The following DLST variants were observed in gnomAD, a reference collection of about 807,000 sequenced individuals.
DLST encodes dihydrolipoamide S-succinyltransferase, also known as dihydrolipoyllysine-residue succinyltransferase component of 2-oxoglutarate dehydrogenase complex, mitochondrial.
In DLST, 17 loss-of-function variants were observed where a neutral mutation model predicts 53.1. That is an observed-to-expected ratio of 0.32 (90% CI 0.22 to 0.48). The LOEUF is 0.48. Among genes scored for constraint, DLST ranks in the 20% least tolerant of loss-of-function variants. The pLI, the probability that DLST is intolerant of heterozygous loss-of-function variation, is 0.99. For synonymous variants in DLST, 206 were observed against 204.8 expected (o/e 1.01, Z -0.05); for missense variants, 512 against 583.9 (o/e 0.88, Z 1.27).
In DLST at chr14:74,898,345, G is replaced by GT. The variant is rs763405076; in HGVS notation, c.771-21dup. ...AGTCAAAATGCAGGCTTTGTGGTCA[G>GT]TTTGTTTTGTAATATTTTCACAGTA... On this transcript the variant is annotated intron_variant, in intron 10 of 14. Coordinates refer to ENST00000334220, the MANE Select transcript of DLST (RefSeq NM_001933.5). The GT allele has an allele frequency of 5.0e-6, 8 of 1,606,528 alleles. No individual in the cohort carries two copies. In the African/African-American group the frequency reaches 1.1e-4, roughly 22 times the overall value.
intron 13 of DLST, among the ~76,000 whole-genome samples, chr14:74,900,712 T>G (rs144327885): frequency 1.3e-3 from 204 of 152,328 alleles, no homozygotes; most frequent in Middle Eastern, 3.4e-3. Context: ...CGATACAAGC[T>G]TTCTGGACTT....
intron 13 of DLST, among the ~76,000 whole-genome samples, chr14:74,900,600 T>G (rs142424108): frequency 2.4e-4 from 36 of 152,332 alleles, no homozygotes; most frequent in African/African-American, 8.7e-4. Context: ...CTTTGAAGTC[T>G]TCAACTGTAT....
At chr14:74,896,054 G>C (rs967726624) in intron 10 of DLST, among the ~76,000 whole-genome samples, 1 of 152,162 alleles carries the variant, frequency 6.6e-6, no homozygotes, top group African/African-American at 2.4e-5. Flanking sequence ...ACAAGGTCTC[G>C]CTGTGTTGCC....
At chr14:74,901,762 A>AAC (rs1431350733) in intron 14 of DLST, among the ~76,000 whole-genome samples, 1 of 152,184 alleles carries the variant, frequency 6.6e-6, no homozygotes, top group African/African-American at 2.4e-5. Flanking sequence ...TCCTGTGTGA[A>AAC]ACCACAGTCT....
chr14:74,901,196 A>G lies in DLST; in HGVS notation c.1190A>G (p.His397Arg). Residue 397 changes from histidine (H) to arginine (R), a missense_variant, in exon 14 of 15, where the codon CAT (histidine) becomes CGT (arginine). This residue lies in a region of DLST where 186 missense variants were observed against 260.4 expected (regional missense o/e 0.71). Coordinates refer to ENST00000334220, the MANE Select transcript of DLST (RefSeq NM_001933.5). ...CCTCAGTCTGCCATCCTGGGGATGC[A>G]TGGCATCTTTGACAGGCCAGTGGCT... ...NPPQSAILGM[H>R]GIFDRPVAIG... is the part of the protein sequence containing the mutation. 1 of 1,614,196 alleles carries G rather than the reference A, an allele frequency of 6.2e-7. No homozygotes were observed. The highest frequency in any genetic ancestry group is 8.5e-7 in the Non-Finnish European group (1 of 1,180,030).
intron 7 of DLST, chr14:74,891,614 A>C: frequency 1.0e-6 from 1 of 986,906 alleles, no homozygotes; most frequent in Non-Finnish European, 1.2e-6. Flanking sequence ...GTTCTCTCAT[A>C]TCTCTAGGAA....
intron 3 of DLST, among the ~76,000 whole-genome samples, chr14:74,887,470 T>A (rs1883747526): frequency 6.6e-6 from 1 of 152,222 alleles, no homozygotes; most frequent in Non-Finnish European, 1.5e-5. Flanking sequence ...CATGTCACCC[T>A]AATCCAGTAT....
chr14:74,901,402 T>C (rs1244110836), intron 14 of DLST, among the ~76,000 whole-genome samples, 169 bp downstream of exon 14: 1 of 152,270 alleles, frequency 6.6e-6, no homozygotes, highest in East Asian at 1.9e-4. Flanking sequence ...CAGCATCATC[T>C]GGGACCTTAT....
chr14:74,889,866 G>A (rs1883841649), intron 5 of DLST, 31 bp from the exon 6 acceptor site: 2 of 1,612,444 alleles, frequency 1.2e-6, no homozygotes, highest in East Asian at 2.2e-5. Flanking sequence ...CCGCTAACAG[G>A]TAGCCTTGTA....
chr14:74,889,460 C>G (rs1019851327), intron 5 of DLST, 111 bp downstream of exon 5: 12 of 886,204 alleles, frequency 1.4e-5, no homozygotes, highest in Non-Finnish European at 2.1e-5. Flanking sequence ...CCTCTGCCTC[C>G]CAGGTTCAAG....
chr14:74,882,040 C>T (rs2140182388), intron 1 of DLST, 24 bp downstream of exon 1: 1 of 1,531,940 alleles, frequency 6.5e-7, no homozygotes. Context: ...GAGCCGGGGC[C>T]CCGACGGGTG....
intron 9 of DLST, among the ~76,000 whole-genome samples, chr14:74,893,784 C>T (rs1883988227): frequency 6.6e-6 from 1 of 152,148 alleles, no homozygotes. Flanking sequence ...TTCTGGGATA[C>T]TTAGCTGTAG....
chr14:74,891,349 G>A, intron 7 of DLST, 182 bp downstream of exon 7: 1 of 1,373,148 alleles, frequency 7.3e-7, no homozygotes, highest in Non-Finnish European at 9.4e-7. Context: ...TAAAAGAAAA[G>A]TGTATTTTTT....
intron 8 of DLST, 111 bp downstream of exon 8, chr14:74,893,097 T>C: frequency 7.5e-7 from 1 of 1,336,098 alleles, no homozygotes; most frequent in Non-Finnish European, 1.0e-6. Flanking sequence ...GTTGGCTGCT[T>C]TGTAGAAAGA....
At chr14:74,900,993 T>G (rs1169381945) in intron 13 of DLST, 73 bp from the exon 14 acceptor site, 3 of 1,543,964 alleles carry the variant, frequency 1.9e-6, no homozygotes, top group Non-Finnish European at 2.6e-6. Context: ...CCCAAAGCGC[T>G]GGGATTATGG....
intron 9 of DLST, among the ~76,000 whole-genome samples, chr14:74,893,779 G>C (rs1250299555): frequency 6.6e-6 from 1 of 152,106 alleles, no homozygotes; most frequent in African/African-American, 2.4e-5. Context: ...TATACTTCTG[G>C]GATACTTAGC....
intron 12 of DLST, 48 bp downstream of exon 12, chr14:74,900,044 T>C (rs375487165): frequency 6.9e-7 from 1 of 1,444,536 alleles, no homozygotes; most frequent in Non-Finnish European, 9.7e-7. Context: ...ACCCTCACCT[T>C]ATCTGTGTGA....
intron 7 of DLST, chr14:74,891,539 A>G (rs1883908425): frequency 2.0e-6 from 2 of 996,404 alleles, no homozygotes; most frequent in Non-Finnish European, 2.4e-6. Context: ...GAGCACTGAC[A>G]GAATGCTCAA....
intron 9 of DLST, among the ~76,000 whole-genome samples, chr14:74,894,034 T>C (rs1382291955): frequency 2.0e-5 from 3 of 152,226 alleles, no homozygotes; most frequent in Admixed American, 1.3e-4. Flanking sequence ...CACTACATTC[T>C]TTTATAAATG....
Sources: gnomAD v4.1 joint callset for allele counts (sites outside exome capture counted in the v4.1 genomes callset) on GRCh38, gnomAD v4.1.1 for gene constraint, gnomAD v4.1.1 regional missense constraint, MANE v1.5 for transcripts, NCBI Gene and HGNC (gene_info 2026-07-23, HGNC 2026-07-21) for gene names.